EYS: variants seen among roughly 807,000 people sequenced by gnomAD.
EYS encodes EGF-like photoreceptor maintenance factor.
Under a neutral mutation model 282.1 loss-of-function variants are expected in EYS, and 250 were observed. The ratio of observed to expected loss-of-function variants is 0.89; its 90% CI spans 0.80 to 0.98. The LOEUF (loss-of-function observed/expected upper bound fraction) is 0.98. Among genes scored for constraint, EYS ranks in the 50% least tolerant of loss-of-function variants. The pLI is 0.00. For missense variants in EYS, 4,016 were observed against 3,709.0 expected (o/e 1.08, Z -2.15); for synonymous variants, 1,355 against 1,282.9 (o/e 1.06, Z -1.20).
intron 32 of EYS, among the ~76,000 whole-genome samples, chr6:64,081,492 A>G (rs1771966209): frequency 1.3e-5 from 2 of 152,202 alleles, no homozygotes; most frequent in South Asian, 4.1e-4. Flanking sequence ...CAGCTTTGGA[A>G]TGCCTTTTCC....
chr6:65,233,290 G>T (rs373503705), intron 12 of EYS, among the ~76,000 whole-genome samples: 135 of 152,148 alleles, frequency 8.9e-4, no homozygotes, highest in Non-Finnish European at 1.4e-3. Flanking sequence ...ATATGTTGTA[G>T]CACCTATGAA....
intron 12 of EYS, among the ~76,000 whole-genome samples, chr6:65,228,912 A>C (rs531506516): frequency 2.6e-5 from 4 of 152,184 alleles, no homozygotes; most frequent in South Asian, 2.1e-4. Context: ...AGTGGGAAAG[A>C]GCATTTTATC....
At chr6:63,910,679 T>G (rs891398875) in intron 35 of EYS, among the ~76,000 whole-genome samples, 2 of 152,210 alleles carry the variant, frequency 1.3e-5, no homozygotes, top group East Asian at 1.9e-4. Context: ...TTTTAAATCA[T>G]GTTGATATAT....
At chr6:63,900,924 T>C (rs1028537004) in intron 35 of EYS, among the ~76,000 whole-genome samples, 1 of 152,036 alleles carries the variant, frequency 6.6e-6, no homozygotes, top group African/African-American at 2.4e-5. Flanking sequence ...AGGTGGAAAA[T>C]AGAATCCAGA....
At chr6:64,589,972 T>C (rs111937947) in intron 26 of EYS, among the ~76,000 whole-genome samples, 1 of 152,116 alleles carries the variant, frequency 6.6e-6, no homozygotes, top group Non-Finnish European at 1.5e-5. Flanking sequence ...CTAGTTCAGT[T>C]TCTGATTGCT....
intron 29 of EYS, among the ~76,000 whole-genome samples, chr6:64,326,041 C>T (rs1395373759): frequency 1.3e-5 from 2 of 152,160 alleles, no homozygotes; most frequent in African/African-American, 4.8e-5. Context: ...CATCCAAATA[C>T]AAGAAGCACA....
intron 12 of EYS, among the ~76,000 whole-genome samples, chr6:65,276,363 C>G (rs1326192700): frequency 6.6e-6 from 1 of 151,916 alleles, no homozygotes; most frequent in Non-Finnish European, 1.5e-5. Context: ...TTATGCTCTG[C>G]TAACCTAGAG....
At chr6:64,852,411 A>G (rs1198606489) in intron 19 of EYS, among the ~76,000 whole-genome samples, 1 of 152,038 alleles carries the variant, frequency 6.6e-6, no homozygotes, top group Non-Finnish European at 1.5e-5. Flanking sequence ...CCTGCCCTCA[A>G]ACATCAGACT....
intron 12 of EYS, among the ~76,000 whole-genome samples, chr6:65,236,416 C>T (rs969737122): frequency 6.6e-6 from 1 of 152,090 alleles, no homozygotes; most frequent in Admixed American, 6.6e-5. Flanking sequence ...TCAAGACTAG[C>T]CTGCCCAATA....
intron 2 of EYS, among the ~76,000 whole-genome samples, chr6:65,523,513 T>C (rs987626845): frequency 2.6e-5 from 4 of 152,114 alleles, no homozygotes; most frequent in African/African-American, 9.7e-5. Context: ...ACAGTTGTTA[T>C]GAAGAATGAG....
intron 7 of EYS, among the ~76,000 whole-genome samples, chr6:65,398,221 G>A (rs147254860): frequency 6.6e-6 from 1 of 151,472 alleles, no homozygotes; most frequent in Non-Finnish European, 1.5e-5. Context: ...GTTTACTCTG[G>A]TGACTTAAAA....
chr6:65,024,205 C>G (rs1173350168), intron 13 of EYS, among the ~76,000 whole-genome samples: 1 of 152,040 alleles, frequency 6.6e-6, no homozygotes, highest in African/African-American at 2.4e-5. Context: ...GCTCATATGT[C>G]TAGGGAGCTT....
chr6:65,259,624 A>G (rs1402341786), intron 12 of EYS, among the ~76,000 whole-genome samples: 1 of 152,152 alleles, frequency 6.6e-6, no homozygotes, highest in Non-Finnish European at 1.5e-5. Context: ...ACACAAAGCC[A>G]AGATTATTGG....
intron 12 of EYS, among the ~76,000 whole-genome samples, chr6:65,230,809 T>C (rs1766752399): frequency 1.3e-5 from 2 of 151,664 alleles, no homozygotes; most frequent in Non-Finnish European, 3.0e-5. Flanking sequence ...GCAGTAGTAA[T>C]ATGCATGTCA....
At chr6:64,426,925 A>G (rs1176869016) in intron 28 of EYS, among the ~76,000 whole-genome samples, 1 of 152,192 alleles carries the variant, frequency 6.6e-6, no homozygotes, top group Non-Finnish European at 1.5e-5. Context: ...ATTATATATG[A>G]GAACCATTTT....
intron 32 of EYS, among the ~76,000 whole-genome samples, chr6:64,078,865 T>C (rs866695863): frequency 6.6e-6 from 1 of 152,052 alleles, no homozygotes; most frequent in Non-Finnish European, 1.5e-5. Flanking sequence ...TGGCATGTAT[T>C]TCTCTGGCCT....
At chr6:64,310,511 G>C (rs1287326013) in intron 29 of EYS, among the ~76,000 whole-genome samples, 1 of 152,112 alleles carries the variant, frequency 6.6e-6, no homozygotes, top group African/African-American at 2.4e-5. Flanking sequence ...TTCTCACTTA[G>C]AAGTGGAAGC....
intron 12 of EYS, among the ~76,000 whole-genome samples, chr6:65,219,347 T>C (rs1405336985): frequency 1.3e-5 from 2 of 152,122 alleles, no homozygotes; most frequent in Non-Finnish European, 1.5e-5. Flanking sequence ...TAGAGAAAAT[T>C]GGTGATTGGT....
At chr6:65,092,289 G>A (rs1561961807) in intron 12 of EYS, among the ~76,000 whole-genome samples, 2 of 152,124 alleles carry the variant, frequency 1.3e-5, no homozygotes, top group Admixed American at 1.3e-4. Context: ...CAGAAAAGTT[G>A]TAGAAGTGGT....
Sources: allele counts gnomAD v4.1 joint callset (sites outside exome capture counted in the v4.1 genomes callset), GRCh38; gene constraint gnomAD v4.1.1; transcripts MANE v1.5; gene names NCBI Gene and HGNC (gene_info 2026-07-23, HGNC 2026-07-21).